The following TRAPPC10 variants were observed in gnomAD, a reference collection of about 807,000 sequenced individuals.
The protein encoded by TRAPPC10 is TRAPP 130 kDa subunit.
Under a neutral mutation model 125.5 loss-of-function variants are expected in TRAPPC10, and 23 were observed. The ratio of observed to expected loss-of-function variants is 0.18; its 90% CI spans 0.13 to 0.26. The LOEUF (loss-of-function observed/expected upper bound fraction) is 0.26. Ranked by LOEUF, TRAPPC10 falls within the 10% of genes least tolerant of loss-of-function variation. The pLI is 1.00. For missense variants in TRAPPC10, 1,123 were observed against 1,308.4 expected (o/e 0.86, Z 2.19); for synonymous variants, 509 against 518.0 (o/e 0.98, Z 0.24).
intron 1 of TRAPPC10, among the ~76,000 whole-genome samples, chr21:44,030,897 G>A (rs1477235864): frequency 2.0e-5 from 3 of 152,196 alleles, no homozygotes; most frequent in African/African-American, 7.2e-5. Flanking sequence ...GCCATGCCTT[G>A]TTGGAAGTGA....
At chr21:44,044,032 G>C (rs991187474) in intron 3 of TRAPPC10, among the ~76,000 whole-genome samples, 1 of 152,192 alleles carries the variant, frequency 6.6e-6, no homozygotes, top group Non-Finnish European at 1.5e-5. Context: ...ACTATAGCTT[G>C]GAGTGGCCTG....
At chr21:44,029,827 A>G (rs1434996107) in intron 1 of TRAPPC10, among the ~76,000 whole-genome samples, 1 of 152,230 alleles carries the variant, frequency 6.6e-6, no homozygotes, top group East Asian at 1.9e-4. Context: ...AAGCTACCTT[A>G]TCAACTTTGA....
intron 1 of TRAPPC10, among the ~76,000 whole-genome samples, chr21:44,022,138 C>T (rs2032576859): frequency 1.3e-5 from 2 of 148,386 alleles, no homozygotes; most frequent in Admixed American, 6.8e-5. Context: ...GATGGAGTTT[C>T]GCTCTTGTTG....
intron 3 of TRAPPC10, among the ~76,000 whole-genome samples, chr21:44,044,589 A>C (rs1230489461): frequency 2.0e-5 from 3 of 150,424 alleles, no homozygotes; most frequent in Non-Finnish European, 4.4e-5. Context: ...AAAACCCCAT[A>C]GTACATTGTT....
At chr21:44,023,586 A>G (rs921059886) in intron 1 of TRAPPC10, among the ~76,000 whole-genome samples, 2 of 152,094 alleles carry the variant, frequency 1.3e-5, no homozygotes, top group Non-Finnish European at 2.9e-5. Flanking sequence ...GCCTGACAAG[A>G]TGTTCCGGGC....
chr21:44,054,653 C>T (rs566187804), intron 4 of TRAPPC10, among the ~76,000 whole-genome samples: 4 of 152,280 alleles, frequency 2.6e-5, no homozygotes, highest in African/African-American at 7.2e-5. Flanking sequence ...TGTGTAATTT[C>T]GTGTGTTTGA....
intron 20 of TRAPPC10, among the ~76,000 whole-genome samples, chr21:44,094,822 C>T (rs894019765): frequency 6.6e-6 from 1 of 152,042 alleles, no homozygotes; most frequent in African/African-American, 2.4e-5. Context: ...CTTTTCTTCT[C>T]TTTACTATTT....
rs142066490 is a variant in TRAPPC10 at position 44,047,616 on chromosome 21, T to C, written c.286-4664T>C. ...ATAACTCACTGATAATCTGTTGATA[T>C]TTTTTGTAGTCCTTTTTCCCTTTTT... On this transcript the variant is annotated intron_variant, in intron 3 of 22. Coordinates refer to ENST00000291574, the MANE Select transcript of TRAPPC10 (RefSeq NM_003274.5). 8.2e-3 allele frequency among the ~76,000 whole-genome samples: 1,253 copies of C among 151,902 alleles called. 10 individuals are homozygous for C. Among genetic ancestry groups the C allele is most frequent in the Middle Eastern group, 0.044 (13 of 294 alleles).
chr21:44,089,667 G>A, intron 17 of TRAPPC10, 166 bp from the exon 18 acceptor site: 1 of 642,466 alleles, frequency 1.6e-6, no homozygotes. Context: ...TCGTTGGTTT[G>A]TGTATGTGTT....
chr21:44,047,532 A>ATGTGTGTGTGTGTGTG lies in TRAPPC10; in HGVS notation c.286-4729_286-4714dup, dbSNP rs33940679. ...TCTGTTGCACCCTCTCTGGGGGAGT[A>ATGTGTGTGTGTGTGTG]TGTGTGTGTGTGTGTGTGTGTGTGT... On this transcript the variant is annotated intron_variant, in intron 3 of 22. Transcript: ENST00000291574. Among the ~76,000 whole-genome samples the ATGTGTGTGTGTGTGTG allele has an allele frequency of 5.2e-3, 737 of 142,880 alleles. 6 individuals are homozygous for ATGTGTGTGTGTGTGTG. The highest frequency in any genetic ancestry group is 0.028 in the South Asian group (122 of 4,302). The allele number at this position is 142,880 out of a possible 152,430, so 93.7% of individuals were successfully genotyped here. A position where few individuals can be genotyped will look rare whatever the true frequency, so the allele number is the denominator to read the frequency against.
intron 1 of TRAPPC10, among the ~76,000 whole-genome samples, chr21:44,020,548 C>T (rs1338126241): frequency 1.3e-5 from 2 of 151,938 alleles, no homozygotes; most frequent in Admixed American, 1.3e-4. Flanking sequence ...GCCAGAGGAT[C>T]GCTTGAGCCC....
At chr21:44,038,985 C>A (rs2034202612) in intron 3 of TRAPPC10, among the ~76,000 whole-genome samples, 1 of 152,226 alleles carries the variant, frequency 6.6e-6, no homozygotes, top group African/African-American at 2.4e-5. Flanking sequence ...CTCTGCCTGG[C>A]GTGCCTGAGA....
chr21:44,037,474 G>C (rs2034077736), intron 2 of TRAPPC10, among the ~76,000 whole-genome samples: 1 of 152,138 alleles, frequency 6.6e-6, no homozygotes. Flanking sequence ...CATAATTATA[G>C]ATTCCGTTAC....
intron 2 of TRAPPC10, among the ~76,000 whole-genome samples, chr21:44,036,851 AACCTT>A (rs1454203873): frequency 1.3e-5 from 2 of 152,196 alleles, no homozygotes; most frequent in Non-Finnish European, 2.9e-5. Flanking sequence ...TTTGTAATAA[AACCTT>A]AAGTTACGTA....
Position 44,012,402 on chromosome 21 carries a change from G to A in TRAPPC10, c.-92G>A, listed in dbSNP as rs2031198262. 1.3e-6 allele frequency: 1 copy of A among 783,004 alleles called. No homozygotes were observed. The highest frequency in any genetic ancestry group is 1.6e-6 in the Non-Finnish European group (1 of 640,274). 48.5% of individuals were successfully genotyped at this position (783,004 alleles called of 1,614,324 possible). On this transcript the variant is annotated 5_prime_UTR_variant, in exon 1 of 23. Transcript: ENST00000291574. ...GCTGCCTGGCGCGGCCGGGCGGGCG[G>A]CGCCGCTCAGGCTCGGGCTCCGGCT...
Position 44,026,492 on chromosome 21 carries a change from G to GA in TRAPPC10, c.68-5597dup, listed in dbSNP as rs139066768. Among the ~76,000 whole-genome samples, 782 of 152,342 alleles carry GA rather than the reference G, an allele frequency of 5.1e-3. 4 individuals are homozygous for GA. Among genetic ancestry groups the GA allele is most frequent in the African/African-American group, 0.018 (754 of 41,570 alleles). ...TTACCAAAAGCCATTGAAGAGAAAT[G>GA]AATGTATGGCCTATGGGCAAGCACT... On this transcript the variant is annotated intron_variant, in intron 1 of 22. Coordinates refer to ENST00000291574, the MANE Select transcript of TRAPPC10 (RefSeq NM_003274.5).
intron 7 of TRAPPC10, among the ~76,000 whole-genome samples, chr21:44,067,638 C>T (rs112181892): frequency 1.3e-5 from 2 of 152,172 alleles, no homozygotes; most frequent in Admixed American, 6.5e-5. Flanking sequence ...CCCCACCTAC[C>T]GGCATGAGGT....
intron 20 of TRAPPC10, among the ~76,000 whole-genome samples, chr21:44,096,053 C>G (rs1198546684): frequency 1.3e-5 from 1 of 78,064 alleles, no homozygotes; most frequent in East Asian, 3.4e-4. Context: ...GTCCCAGCTT[C>G]TGTGTGTCCT....
In TRAPPC10 at chr21:44,101,168, AC is replaced by A. The variant is rs1332839952; in HGVS notation, c.3347-1609del. 7.0e-5 allele frequency among the ~76,000 whole-genome samples: 5 copies of A among 71,394 alleles called. 2 individuals carry two copies. Among genetic ancestry groups the A allele is most frequent in the Non-Finnish European group, 2.3e-4 (5 of 21,898 alleles). 46.8% of individuals were successfully genotyped at this position (71,394 alleles called of 152,430 possible). On this transcript the variant is annotated intron_variant, in intron 21 of 22. Transcript: ENST00000291574. The stretch of plus-strand genomic sequence containing the variant: ...AAACTCCGCCTCAACAACAACAACA[AC>A]AACAAAACAACCAACATCAAATTTA...
Sources: allele counts gnomAD v4.1 joint callset (sites outside exome capture counted in the v4.1 genomes callset), GRCh38; gene constraint gnomAD v4.1.1; transcripts MANE v1.5; gene names NCBI Gene and HGNC (gene_info 2026-07-23, HGNC 2026-07-21).